EYS: variants seen among roughly 807,000 people sequenced by gnomAD.
EYS encodes EGF-like photoreceptor maintenance factor, also known as protein eyes shut homolog.
Under a neutral mutation model 282.1 loss-of-function variants are expected in EYS, and 250 were observed. The ratio of observed to expected loss-of-function variants is 0.89; its 90% CI spans 0.80 to 0.98. EYS has a LOEUF of 0.98. EYS is among the 50% of genes least tolerant of loss of function. The pLI, the probability that EYS is intolerant of heterozygous loss-of-function variation, is 0.00. For missense variants in EYS, 4,016 were observed against 3,709.0 expected, an observed-to-expected ratio of 1.08 and a Z score of -2.15; for synonymous variants, 1,355 against 1,282.9, an observed-to-expected ratio of 1.06 and a Z score of -1.20.
At chr6:64,796,565 C>T (rs1255059578) in intron 22 of EYS, among the ~76,000 whole-genome samples, 2 of 152,064 alleles carry the variant, frequency 1.3e-5, no homozygotes, top group Non-Finnish European at 2.9e-5. Flanking sequence ...TAATGGACAC[C>T]TGCTTCTAAT....
At chr6:64,700,163 G>A (rs944288680) in intron 22 of EYS, among the ~76,000 whole-genome samples, 1 of 151,926 alleles carries the variant, frequency 6.6e-6, no homozygotes, top group Non-Finnish European at 1.5e-5. Flanking sequence ...TGCAGAACAA[G>A]CATTTGATGA....
At chr6:64,376,010 A>G (rs56177406) in intron 29 of EYS, among the ~76,000 whole-genome samples, 5,805 of 152,270 alleles carry the variant, frequency 0.038, 359 homozygotes, top group African/African-American at 0.13. Flanking sequence ...ATATCCTGCT[A>G]TTCCATAAAA....
chr6:63,849,247 G>A (rs1294785342), intron 36 of EYS, among the ~76,000 whole-genome samples: 1 of 152,152 alleles, frequency 6.6e-6, no homozygotes, highest in Non-Finnish European at 1.5e-5. Context: ...GAGAGGGGTG[G>A]CTGTGGGCCC....
At chr6:64,711,899 TG>T (rs1221607559) in intron 22 of EYS, among the ~76,000 whole-genome samples, 2 of 151,904 alleles carry the variant, frequency 1.3e-5, no homozygotes, top group Non-Finnish European at 2.9e-5. Flanking sequence ...TATGCAAAAA[TG>T]GTTAAAGCAA....
intron 35 of EYS, among the ~76,000 whole-genome samples, chr6:63,917,159 C>CGTGCATGTGTACACGTGCACGT: frequency 6.6e-6 from 1 of 152,230 alleles, no homozygotes; most frequent in Non-Finnish European, 1.5e-5. Flanking sequence ...CACGTGCACG[C>CGTGCATGTGTACACGTGCACGT]GCGTGCATGT....
chr6:63,804,204 CG>C (rs774890946), intron 37 of EYS, among the ~76,000 whole-genome samples: 23 of 151,992 alleles, frequency 1.5e-4, no homozygotes, highest in Non-Finnish European at 2.6e-4. Context: ...TTAGTAGAGA[CG>C]GGGTTTCTCC....
At chr6:63,848,075 C>T (rs1226928503) in intron 36 of EYS, among the ~76,000 whole-genome samples, 1 of 152,092 alleles carries the variant, frequency 6.6e-6, no homozygotes, top group Non-Finnish European at 1.5e-5. Context: ...TTGGTTTAGG[C>T]TGAAATGACC....
chr6:65,236,240 T>C (rs770845487), intron 12 of EYS, among the ~76,000 whole-genome samples: 2 of 152,166 alleles, frequency 1.3e-5, no homozygotes, highest in Non-Finnish European at 2.9e-5. Context: ...TTAGGTCATA[T>C]TCTAAGGTAC....
intron 28 of EYS, among the ~76,000 whole-genome samples, chr6:64,406,787 TAAC>T (rs1256583184): frequency 6.6e-6 from 1 of 152,182 alleles, no homozygotes; most frequent in Non-Finnish European, 1.5e-5. Context: ...TGGCAATCAT[TAAC>T]AAGTCAGGAA....
chr6:64,355,237 G>T lies in EYS; in HGVS notation c.6078+33453C>A, dbSNP rs80084936. ...CACATGGGAAAACAGAATTTTGTGT[G>T]CAAATTAATTAAGAGCTTGGAGTTT... On this transcript the variant is annotated intron_variant, in intron 29 of 42. Transcript: ENST00000503581. Among the ~76,000 whole-genome samples the T allele has an allele frequency of 9.2e-3, 1,392 of 151,682 alleles. 19 individuals carry two copies. Among genetic ancestry groups the T allele is most frequent in the East Asian group, 0.049 (253 of 5,120 alleles).
chr6:64,687,565 G>T (rs1247535104), intron 22 of EYS, among the ~76,000 whole-genome samples: 1 of 152,194 alleles, frequency 6.6e-6, no homozygotes, highest in Non-Finnish European at 1.5e-5. Flanking sequence ...TCCCAGGGAT[G>T]AAGCCAACTT....
chr6:63,950,167 G>A (rs1388787452), intron 35 of EYS, among the ~76,000 whole-genome samples: 31 of 149,170 alleles, frequency 2.1e-4, no homozygotes, highest in African/African-American at 5.0e-4. Context: ...ATGAGACTCC[G>A]TCTCAAAAAA....
intron 14 of EYS, among the ~76,000 whole-genome samples, chr6:64,963,219 C>A (rs1769982521): frequency 6.6e-6 from 1 of 152,076 alleles, no homozygotes; most frequent in African/African-American, 2.4e-5. Flanking sequence ...GACCAACACT[C>A]AATACTTTTG....
At chr6:63,953,583 A>G (rs1765688947) in intron 35 of EYS, among the ~76,000 whole-genome samples, 1 of 152,214 alleles carries the variant, frequency 6.6e-6, no homozygotes, top group Non-Finnish European at 1.5e-5. Flanking sequence ...CTTCCTGGAC[A>G]TGGTTAGGTA....
At chr6:64,628,031 G>A (rs1450092231) in intron 22 of EYS, among the ~76,000 whole-genome samples, 1 of 152,188 alleles carries the variant, frequency 6.6e-6, no homozygotes, top group East Asian at 1.9e-4. Flanking sequence ...AGTGAGCCCA[G>A]ATCACGCCAC....
Position 63,780,587 on chromosome 6 carries a change from A to G in EYS, c.7724-2407T>C, listed in dbSNP as rs546193376. Among the ~76,000 whole-genome samples the G allele has an allele frequency of 1.2e-4, 19 of 152,030 alleles. No homozygotes were observed. In the South Asian group the frequency reaches 3.9e-3, roughly 32 times the overall value. On this transcript the variant is annotated intron_variant, in intron 39 of 42. Transcript: ENST00000503581. ...GTTCATATCCTTTGCCCAGTTTTTG[A>G]TAGGGTTGTTTGATTTTTTCTTGTA...
chr6:65,591,271 A>G (rs936716473), intron 2 of EYS, among the ~76,000 whole-genome samples: 2 of 151,896 alleles, frequency 1.3e-5, no homozygotes, highest in African/African-American at 2.4e-5. Flanking sequence ...GTGCCATCAC[A>G]GCTTATTGCA....
chr6:64,524,586 T>C (rs1777857149), intron 26 of EYS, among the ~76,000 whole-genome samples: 1 of 151,944 alleles, frequency 6.6e-6, no homozygotes, highest in Admixed American at 6.6e-5. Flanking sequence ...CTAGGTTGTC[T>C]TCTAGGGTTT....
At chr6:64,888,617 T>C (rs533809667) in intron 18 of EYS, among the ~76,000 whole-genome samples, 12 of 152,082 alleles carry the variant, frequency 7.9e-5, no homozygotes, top group Admixed American at 3.9e-4. Flanking sequence ...GAATTGACTA[T>C]AATCACCTTT....
Sources: allele counts gnomAD v4.1 joint callset (sites outside exome capture counted in the v4.1 genomes callset), GRCh38; gene constraint gnomAD v4.1.1; transcripts MANE v1.5; gene names NCBI Gene and HGNC (gene_info 2026-07-23, HGNC 2026-07-21).